ARHGAP30: variants seen among roughly 807,000 people sequenced by gnomAD.
ARHGAP30 encodes the protein rho GTPase-activating protein 30.
Under a neutral mutation model 72.0 loss-of-function variants are expected in ARHGAP30, and 23 were observed. The observed-to-expected ratio is 0.32, with a 90% CI of 0.23 to 0.45. The LOEUF (loss-of-function observed/expected upper bound fraction) is 0.45. Among genes scored for constraint, ARHGAP30 ranks in the 20% least tolerant of loss-of-function variants. The pLI is 1.00. For missense variants in ARHGAP30, 1,319 were observed against 1,383.4 expected (o/e 0.95, Z 0.74); for synonymous variants, 576 against 528.2 (o/e 1.09, Z -1.24).
chr1:161,054,341 A>G (rs746813513), intron 5 of ARHGAP30, 25 bp downstream of exon 5: 23 of 1,603,608 alleles, frequency 1.4e-5, no homozygotes, highest in African/African-American at 8.0e-5. Context: ...CAGGATCCCC[A>G]TACACTGCTC....
In ARHGAP30 at chr1:161,069,269, C is replaced by A. The variant is rs889508876; in HGVS notation, c.97+259G>T. Among the ~76,000 whole-genome samples the A allele has an allele frequency of 1.3e-5, 2 of 152,166 alleles. No homozygotes were observed. The highest frequency in any genetic ancestry group is 6.5e-5 in the Admixed American group (1 of 15,276). ...GGTTTCCAGTCTCTCCATCCTCCCC[C>A]TCACTGCTACCTGGGTACTCACATT... On this transcript the variant is annotated intron_variant, in intron 1 of 11. Transcript: ENST00000368013. This position sits in a 1 kb window ranked among gnomAD's most constrained non-coding sequence, Gnocchi z 4.9.
intron 2 of ARHGAP30, among the ~76,000 whole-genome samples, chr1:161,057,541 G>A: frequency 6.6e-6 from 1 of 152,266 alleles, no homozygotes; most frequent in Middle Eastern, 3.4e-3. Context: ...AGAAGGCTGA[G>A]GTAGGAGGAT....
At chr1:161,051,761 A>G (rs1452505583) in intron 9 of ARHGAP30, 46 bp from the exon 10 acceptor site, 9 of 1,523,574 alleles carry the variant, frequency 5.9e-6, no homozygotes, top group Admixed American at 2.1e-5. Flanking sequence ...CTAAACTCCA[A>G]GGGGCCTAGA....
chr1:161,047,913 A>G lies in ARHGAP30; in HGVS notation c.3108T>C (p.Cys1036=), dbSNP rs756962448. Reference sequence around the variant, plus strand: ...GAGGAGAATGGGCAGAGATCATGCTACAAGGGGAGGTTCTGGGGATGAGGC... The same window carrying G: ...GAGGAGAATGGGCAGAGATCATGCTGCAAGGGGAGGTTCTGGGGATGAGGC... ...DYCLIPRTSP[C]SMISAHSPRP... The change falls in exon 12 of 12, where the codon TGT becomes TGC. Residue 1036 remains cysteine (C), a synonymous_variant. Coordinates refer to ENST00000368013, the MANE Select transcript of ARHGAP30 (RefSeq NM_001025598.2). 5.0e-6 allele frequency: 8 copies of G among 1,612,980 alleles called. No homozygotes were observed. The African/African-American group carries it at 1.1e-4, about 22-fold the overall frequency.
rs1650920627 is a variant in ARHGAP30, at chr1:161,047,343, C to CT, written c.*371dup. 1 of 171,914 alleles carries CT rather than the reference C, an allele frequency of 5.8e-6. No individual in the cohort carries two copies. Among genetic ancestry groups the CT allele is most frequent in the South Asian group, 1.4e-4 (1 of 7,094 alleles). 10.6% of individuals were successfully genotyped at this position (171,914 alleles called of 1,614,324 possible). A position where few individuals can be genotyped will look rare whatever the true frequency, so the allele number is the denominator to read the frequency against. On this transcript the variant is annotated 3_prime_UTR_variant, in exon 12 of 12. Coordinates refer to ENST00000368013, the MANE Select transcript of ARHGAP30 (RefSeq NM_001025598.2). The stretch of plus-strand genomic sequence containing the variant: ...TAACCTGGCCCTGTCCTCCCTGTCT[C>CT]TACCTTTGGCTTTCATGAAGAGAGA...
intron 9 of ARHGAP30, among the ~76,000 whole-genome samples, chr1:161,051,993 A>G (rs151069069): frequency 4.6e-5 from 1 of 21,566 alleles, no homozygotes; most frequent in East Asian, 1.1e-3. Flanking sequence ...CACCACCACC[A>G]CCACCACCAC....
At chr1:161,063,282 T>C (rs899421750) in intron 1 of ARHGAP30, among the ~76,000 whole-genome samples, 1 of 152,222 alleles carries the variant, frequency 6.6e-6, no homozygotes, top group African/African-American at 2.4e-5. Context: ...GGACCCCAAA[T>C]GGAGGGACCG....
rs775108977 is a variant in ARHGAP30 at position 161,049,286 on chromosome 1, C to T, written c.1735G>A (p.Glu579Lys). 6.2e-7 allele frequency: 1 copy of T among 1,614,086 alleles called. No homozygotes were observed. ...CTGGGGGCCAAGACAAACTGTGCCT[C>T]ATCCAGAGACAGGTCATCCAGGGGT... ...EPPLDDLSLDEAQFVLAPSCC... is the reference protein window; with the variant it reads ...EPPLDDLSLDKAQFVLAPSCC... The change falls in exon 12 of 12, where the codon GAG becomes AAG. Residue 579 changes from glutamate to lysine, a missense_variant. Around this residue, in one of 2 missense-constraint regions of ARHGAP30, gnomAD observed 1,097 missense variants for 1,045.2 expected, o/e 1.05. Transcript: ENST00000368013.
rs758037202 is a variant in ARHGAP30 at position 161,048,542 on chromosome 1, T to A, written c.2479A>T (p.Thr827Ser). 1.3e-5 allele frequency: 21 copies of A among 1,614,186 alleles called. No individual in the cohort carries two copies. The highest frequency in any genetic ancestry group is 1.8e-5 in the Non-Finnish European group (21 of 1,180,030). ...GEDSRSPEAA[T>S]EGGAGEVSKE... The stretch of plus-strand genomic sequence containing the variant: ...CTGACCTCCCCTGCTCCTCCTTCAG[T>A]TGCTGCTTCTGGGCTTCTGCTGTCT... The change falls in exon 12 of 12, where the codon ACT becomes TCT. Residue 827 changes from threonine to serine, a missense_variant. Thr to Ser is a moderately conservative substitution (Grantham distance 58). Coordinates refer to ENST00000368013, the MANE Select transcript of ARHGAP30 (RefSeq NM_001025598.2).
At chr1:161,067,792 T>G (rs1237211253) in intron 1 of ARHGAP30, among the ~76,000 whole-genome samples, 2 of 152,142 alleles carry the variant, frequency 1.3e-5, no homozygotes, top group Non-Finnish European at 2.9e-5. Context: ...CTCATTTTTT[T>G]GTGGATGTTG....
intron 2 of ARHGAP30, among the ~76,000 whole-genome samples, chr1:161,057,494 CA>C (rs1006884835): frequency 2.0e-5 from 3 of 152,080 alleles, no homozygotes; most frequent in Admixed American, 1.3e-4. Flanking sequence ...AAATATAGGC[CA>C]GGGGAGGCGG....
intron 1 of ARHGAP30, among the ~76,000 whole-genome samples, chr1:161,067,598 C>A (rs906882536): frequency 9.6e-6 from 1 of 104,560 alleles, no homozygotes; most frequent in African/African-American, 3.0e-5. Flanking sequence ...AAGAAAGAAA[C>A]CTGAACAATC....
intron 1 of ARHGAP30, among the ~76,000 whole-genome samples, chr1:161,063,640 T>G (rs1023991289): frequency 7.9e-5 from 12 of 152,246 alleles, no homozygotes; most frequent in Non-Finnish European, 1.6e-4. Context: ...GTTCAGGGAA[T>G]AAGAGAGATA....
intron 3 of ARHGAP30, 51 bp from the exon 4 acceptor site, chr1:161,054,756 T>A (rs767781837): frequency 6.6e-7 from 1 of 1,524,828 alleles, no homozygotes; most frequent in South Asian, 1.1e-5. Flanking sequence ...GCAATGCCCC[T>A]GCTTACTCCC....
chr1:161,052,050 ACC>A (rs1651439387), intron 9 of ARHGAP30, among the ~76,000 whole-genome samples: 1 of 15,260 alleles, frequency 6.6e-5, no homozygotes, highest in Non-Finnish European at 1.4e-4. Flanking sequence ...CACCACCACC[ACC>A]ACCACCACAT....
At chr1:161,060,118 A>G (rs921015097) in intron 1 of ARHGAP30, 2 of 381,872 alleles carry the variant, frequency 5.2e-6, no homozygotes, top group African/African-American at 4.3e-5. Flanking sequence ...CTGTCTCTAC[A>G]AAAAATACAA....
chr1:161,066,860 C>T (rs932987326), intron 1 of ARHGAP30, among the ~76,000 whole-genome samples: 1 of 151,994 alleles, frequency 6.6e-6, no homozygotes, highest in Non-Finnish European at 1.5e-5. Context: ...TAGGGCAGGC[C>T]CCTCCTTGTC....
At chr1:161,054,766 C>G (rs1389914663) in intron 3 of ARHGAP30, 61 bp from the exon 4 acceptor site, 5 of 1,475,318 alleles carry the variant, frequency 3.4e-6, no homozygotes, top group Non-Finnish European at 9.5e-7. Flanking sequence ...TGCTTACTCC[C>G]CAGAGCTTGT....
intron 10 of ARHGAP30, among the ~76,000 whole-genome samples, chr1:161,051,053 A>G (rs752526599): frequency 2.0e-5 from 3 of 152,220 alleles, no homozygotes; most frequent in Non-Finnish European, 2.9e-5. Flanking sequence ...TCCCTGCTGT[A>G]TGTTTCTGAC....
Sources: allele counts gnomAD v4.1 joint callset (sites outside exome capture counted in the v4.1 genomes callset), GRCh38; gene constraint gnomAD v4.1.1; regional missense constraint gnomAD v4.1.1; non-coding constraint Gnocchi (gnomAD v3.1); transcripts MANE v1.5; gene names NCBI Gene and HGNC (gene_info 2026-07-23, HGNC 2026-07-21).